PTPN2: variants seen among roughly 807,000 people sequenced by gnomAD.
The protein encoded by PTPN2 is protein tyrosine phosphatase non-receptor type 2.
A neutral mutation model predicts 57.3 loss-of-function variants in PTPN2; 19 were observed. The ratio of observed to expected loss-of-function variants is 0.33; its 90% CI spans 0.23 to 0.49. The LOEUF is 0.49. Among genes scored for constraint, PTPN2 ranks in the 20% least tolerant of loss-of-function variants. The pLI, the probability that PTPN2 is intolerant of heterozygous loss-of-function variation, is 0.99. For synonymous variants in PTPN2, 153 were observed against 164.9 expected, an observed-to-expected ratio of 0.93 and a Z score of 0.55; for missense variants, 358 against 501.1, an observed-to-expected ratio of 0.71 and a Z score of 2.73.
At chr18:12,799,910 C>T (rs12964688) in intron 8 of PTPN2, among the ~76,000 whole-genome samples, 10 of 152,140 alleles carry the variant, frequency 6.6e-5, no homozygotes, top group African/African-American at 9.7e-5. Context: ...AGATTACAAG[C>T]GTGAGCCACC....
At chr18:12,864,134 TAAAC>T (rs1422084144) in intron 1 of PTPN2, 1 of 144,800 alleles carries the variant, frequency 6.9e-6, no homozygotes, top group African/African-American at 2.6e-5. Context: ...ATATATGACA[TAAAC>T]AAAGGAAAAA....
chr18:12,785,495 A>G, exon 10 of PTPN2: 1 of 375,160 alleles, frequency 2.7e-6, no homozygotes, highest in Non-Finnish European at 4.8e-6. Context: ...TAACAAAAAT[A>G]TTTAATGCTG....
At chr18:12,826,541 C>T (rs1040850284) in intron 4 of PTPN2, among the ~76,000 whole-genome samples, 1 of 152,196 alleles carries the variant, frequency 6.6e-6, no homozygotes, top group Admixed American at 6.5e-5. Flanking sequence ...AAGCCACAGG[C>T]AAGCACTGAT....
Position 12,817,629 on chromosome 18 carries a change from A to G in PTPN2, c.496-264T>C, listed in dbSNP as rs1430804456. On this transcript the variant is annotated intron_variant, in intron 5 of 8. Coordinates refer to ENST00000309660, the MANE Select transcript of PTPN2 (RefSeq NM_002828.4). ...TCTAAGCACTTTACTTATTAACTCA[A>G]TCCACACAATAATCCTATTAAAGCC... 3.3e-5 allele frequency among the ~76,000 whole-genome samples: 5 copies of G among 152,184 alleles called. No individual in the cohort carries two copies. The East Asian group carries it at 9.6e-4, about 29-fold the overall frequency.
At chr18:12,875,443 A>C (rs2044455759) in intron 1 of PTPN2, among the ~76,000 whole-genome samples, 1 of 152,198 alleles carries the variant, frequency 6.6e-6, no homozygotes, top group Admixed American at 6.5e-5. Flanking sequence ...GCTATGTCTT[A>C]AATTTTACAT....
downstream of PTPN2, chr18:12,787,874 G>A (rs539956974): frequency 1.3e-5 from 2 of 154,368 alleles, no homozygotes; most frequent in Non-Finnish European, 2.9e-5. Context: ...ATGCTAGAAA[G>A]GCGCAAGGGC....
intron 3 of PTPN2, among the ~76,000 whole-genome samples, chr18:12,834,326 C>CAAAA (rs11368721): frequency 3.0e-5 from 4 of 133,200 alleles, no homozygotes; most frequent in African/African-American, 1.1e-4. Flanking sequence ...GACTCCATCT[C>CAAAA]AAAAAAAAAA....
intron 6 of PTPN2, among the ~76,000 whole-genome samples, chr18:12,815,126 A>G (rs2042027188): frequency 6.7e-6 from 1 of 149,804 alleles, no homozygotes; most frequent in Admixed American, 6.7e-5. Flanking sequence ...ATAAATAAAT[A>G]AATAAATAAA....
chr18:12,883,859 G>A (rs2044756016), intron 1 of PTPN2: 1 of 507,674 alleles, frequency 2.0e-6, no homozygotes, highest in Non-Finnish European at 3.4e-6. Context: ...GAGCTGCTCA[G>A]CTCAAGTATG....
chr18:12,808,167 A>G (rs1283363189), intron 7 of PTPN2, among the ~76,000 whole-genome samples: 1 of 152,148 alleles, frequency 6.6e-6, no homozygotes, highest in African/African-American at 2.4e-5. Flanking sequence ...AGCATGAACA[A>G]GAGAATGAGA....
chr18:12,818,266 G>A (rs1187794962), intron 5 of PTPN2, among the ~76,000 whole-genome samples: 1 of 151,780 alleles, frequency 6.6e-6, no homozygotes, highest in Non-Finnish European at 1.5e-5. Context: ...TTTAGATTCT[G>A]CTACACAGGC....
intron 7 of PTPN2, among the ~76,000 whole-genome samples, chr18:12,805,383 G>T (rs1407347156): frequency 6.6e-6 from 1 of 151,358 alleles, no homozygotes; most frequent in African/African-American, 2.4e-5. Flanking sequence ...CTTGAACCCA[G>T]AAGGCGGAGG....
At chr18:12,845,166 A>C (rs1362793189) in intron 2 of PTPN2, among the ~76,000 whole-genome samples, 1 of 152,188 alleles carries the variant, frequency 6.6e-6, no homozygotes, top group Non-Finnish European at 1.5e-5. Context: ...TAAAAGAATA[A>C]GCTTGTTTTT....
In PTPN2 at chr18:12,793,599, T is replaced by C. The variant is rs908408261; in HGVS notation, c.*679A>G. The C allele has an allele frequency of 3.1e-6, 3 of 977,418 alleles. No individual in the cohort carries two copies. The highest frequency in any genetic ancestry group is 3.6e-6 in the Non-Finnish European group (3 of 822,154). The allele number at this position is 977,418 out of a possible 1,614,324, so 60.5% of individuals were successfully genotyped here. A position where few individuals can be genotyped will look rare whatever the true frequency, so the allele number is the denominator to read the frequency against. On this transcript the variant is annotated 3_prime_UTR_variant, in exon 9 of 9. Coordinates refer to ENST00000309660, the MANE Select transcript of PTPN2 (RefSeq NM_002828.4). ...ACTGTAAAACATAAAAGAAATGCAA[T>C]ATATAGTAGAAATTGCTTATTCCAA...
At chr18:12,819,421 T>C in intron 5 of PTPN2, 1 of 400,668 alleles carries the variant, frequency 2.5e-6, no homozygotes, top group Non-Finnish European at 4.4e-6. Context: ...TCCATTTTTA[T>C]GACATTCTGG....
intron 1 of PTPN2, among the ~76,000 whole-genome samples, chr18:12,875,997 C>A (rs1195704273): frequency 1.3e-5 from 2 of 152,056 alleles, no homozygotes; most frequent in Non-Finnish European, 2.9e-5. Context: ...CGCTTTAGCC[C>A]GGGAGTTCGA....
chr18:12,884,083 G>T lies in PTPN2; in HGVS notation c.59C>A (p.Pro20Gln), dbSNP rs562857102. 6.3e-6 allele frequency: 10 copies of T among 1,579,992 alleles called. No homozygotes were observed. The highest frequency in any genetic ancestry group is 2.4e-5 in the East Asian group (1 of 42,298). The stretch of plus-strand genomic sequence containing the variant: ...GGGTCCGCGACTCACCAAGTACAGC[G>T]GCTGCCAGCGACGCTGAGTATCCAA... ...EELDTQRRWQ[P>Q]LYLEIRNESH... Residue 20 changes from proline (P) to glutamine (Q), a missense_variant, in exon 1 of 9, where the codon CCG becomes CAG. Pro to Gln is a moderately conservative substitution (Grantham distance 76). This residue lies in a region of PTPN2 where 62 missense variants were observed against 47.9 expected (regional missense o/e 1.29). Transcript: ENST00000309660.
intron 1 of PTPN2, among the ~76,000 whole-genome samples, chr18:12,865,885 CAA>C (rs1204410525): frequency 6.6e-6 from 1 of 151,728 alleles, no homozygotes; most frequent in African/African-American, 2.4e-5. Context: ...AAATGCTGAA[CAA>C]AGAGTTAACA....
intron 2 of PTPN2, among the ~76,000 whole-genome samples, chr18:12,848,469 G>A (rs191768265): frequency 6.6e-6 from 1 of 152,330 alleles, no homozygotes; most frequent in Admixed American, 6.5e-5. Flanking sequence ...GAATGTTGTG[G>A]AAGTTGTATG....
Sources: gnomAD v4.1 joint callset for allele counts (sites outside exome capture counted in the v4.1 genomes callset) on GRCh38, gnomAD v4.1.1 for gene constraint, gnomAD v4.1.1 regional missense constraint, MANE v1.5 for transcripts, NCBI Gene and HGNC (gene_info 2026-07-23, HGNC 2026-07-21) for gene names.